Variants in FEM1C observed in about 807,000 individuals in gnomAD.
The protein encoded by FEM1C is protein fem-1 homolog C.
FEM1C carries 15 observed loss-of-function variants against 37.6 expected under a neutral mutation model. That is an observed-to-expected ratio of 0.40 (90% confidence interval 0.27 to 0.61). The LOEUF (loss-of-function observed/expected upper bound fraction) is 0.61, where lower values mean the gene tolerates loss of function less well. Ranked by LOEUF, FEM1C falls within the 20% of genes least tolerant of loss-of-function variation. The pLI is 0.42. For missense variants in FEM1C, 532 were observed against 749.7 expected, an observed-to-expected ratio of 0.71 and a Z score of 3.39; for synonymous variants, 287 against 272.8, an observed-to-expected ratio of 1.05 and a Z score of -0.51.
intron 2 of FEM1C, among the ~76,000 whole-genome samples, chr5:115,539,630 T>A (rs2127174743): frequency 6.6e-6 from 1 of 152,254 alleles, no homozygotes; most frequent in Non-Finnish European, 1.5e-5. Flanking sequence ...CATTTCCAAA[T>A]ATCTAATAGA....
intron 2 of FEM1C, 32 bp from the exon 3 acceptor site, chr5:115,525,649 T>A: frequency 6.4e-7 from 1 of 1,551,888 alleles, no homozygotes; most frequent in South Asian, 1.2e-5. Flanking sequence ...AGAAATAACA[T>A]ACATTGAGGG....
intron 2 of FEM1C, among the ~76,000 whole-genome samples, chr5:115,534,224 T>A (rs767151134): frequency 1.3e-5 from 2 of 151,900 alleles, no homozygotes; most frequent in Non-Finnish European, 2.9e-5. Flanking sequence ...CATTAAAGGG[T>A]GGTAGTATTC....
chr5:115,529,277 A>C (rs1753969344), intron 2 of FEM1C, among the ~76,000 whole-genome samples: 1 of 152,234 alleles, frequency 6.6e-6, no homozygotes, highest in South Asian at 2.1e-4. Flanking sequence ...CTAAGGACAA[A>C]GAGAAAAATC....
chr5:115,526,291 G>A (rs1753890104), intron 2 of FEM1C, among the ~76,000 whole-genome samples: 1 of 152,086 alleles, frequency 6.6e-6, no homozygotes, highest in South Asian at 2.1e-4. Context: ...TGGTAACAAA[G>A]GACTTTCCCC....
chr5:115,533,581 T>A (rs1402252936), intron 2 of FEM1C, among the ~76,000 whole-genome samples: 1 of 151,996 alleles, frequency 6.6e-6, no homozygotes, highest in African/African-American at 2.4e-5. Flanking sequence ...TAACGATATA[T>A]GCCAAGTACT....
At chr5:115,536,493 C>T (rs536857987) in intron 2 of FEM1C, among the ~76,000 whole-genome samples, 1 of 151,506 alleles carries the variant, frequency 6.6e-6, no homozygotes, top group South Asian at 2.1e-4. Context: ...TTCAATTGCA[C>T]AATAATGCTG....
Position 115,533,143 on chromosome 5 carries a change from T to C in FEM1C, c.545-7526A>G, listed in dbSNP as rs145311016. On this transcript the variant is annotated intron_variant, in intron 2 of 2. Coordinates refer to ENST00000274457, the MANE Select transcript of FEM1C (RefSeq NM_020177.3). The stretch of plus-strand genomic sequence containing the variant: ...CTTCAATTCACTACCAATGGGATTA[T>C]AAAAATTGTTTAAAGTTCCACTTTA... 6.8e-3 allele frequency among the ~76,000 whole-genome samples: 1,030 copies of C among 152,180 alleles called. 5 individuals are homozygous for C. The highest frequency in any genetic ancestry group is 0.011 in the Non-Finnish European group (735 of 67,934).
intron 2 of FEM1C, among the ~76,000 whole-genome samples, chr5:115,532,384 A>AT (rs1223143677): frequency 6.6e-6 from 1 of 152,098 alleles, no homozygotes; most frequent in Non-Finnish European, 1.5e-5. Flanking sequence ...TGCAGACAAA[A>AT]TAAGTTCAAA....
intron 2 of FEM1C, among the ~76,000 whole-genome samples, chr5:115,536,220 T>G (rs911422507): frequency 3.3e-5 from 5 of 152,042 alleles, no homozygotes; most frequent in African/African-American, 1.2e-4. Flanking sequence ...TTGTGAATTT[T>G]ATCTCAATAA....
In FEM1C at chr5:115,521,820, T is replaced by C. The variant is rs1473331189; in HGVS notation, c.*2488A>G. ...TACTTTCTGACAAAGGCTTTATCAG[T>C]GTCACATTTATGAAACAATTTTCCC... On this transcript the variant is annotated 3_prime_UTR_variant, in exon 3 of 3. Transcript: ENST00000274457. 1 of 151,864 alleles carries C rather than the reference T, an allele frequency of 6.6e-6. No individual in the cohort carries two copies. The allele number at this position is 151,864 out of a possible 1,614,324, so 9.4% of individuals were successfully genotyped here. A position where few individuals can be genotyped will look rare whatever the true frequency, so the allele number is the denominator to read the frequency against.
chr5:115,532,030 C>T (rs1754026140), intron 2 of FEM1C, among the ~76,000 whole-genome samples: 1 of 152,108 alleles, frequency 6.6e-6, no homozygotes, highest in African/African-American at 2.4e-5. Flanking sequence ...GCACTTCCTT[C>T]TTTACCATTT....
At chr5:115,531,709 G>T (rs1754018339) in intron 2 of FEM1C, among the ~76,000 whole-genome samples, 1 of 152,006 alleles carries the variant, frequency 6.6e-6, no homozygotes, top group Non-Finnish European at 1.5e-5. Flanking sequence ...TTTTACTTTT[G>T]TACTCTAAAA....
chr5:115,525,681 TA>T, intron 2 of FEM1C, 64 bp from the exon 3 acceptor site: 3 of 1,252,272 alleles, frequency 2.4e-6, no homozygotes, highest in Non-Finnish European at 2.2e-6. Flanking sequence ...ATGTAATATA[TA>T]TATGCACTTT....
In FEM1C at chr5:115,525,511, G is replaced by C. The variant is rs1398949672; in HGVS notation, c.651C>G (p.Pro217=). 1.2e-6 allele frequency: 2 copies of C among 1,613,596 alleles called. No individual in the cohort carries two copies. The highest frequency in any genetic ancestry group is 1.7e-6 in the Non-Finnish European group (2 of 1,179,774). ...GACCAGTCACACTTGCTGAGAGAAGGGGAGTCATTCCATAACCATCCTTTT... is the reference window on the plus strand; with the variant it reads ...GACCAGTCACACTTGCTGAGAGAAGCGGAGTCATTCCATAACCATCCTTTT... ...KMEKDGYGMT[P]LLSASVTGHT... The change falls in exon 3 of 3, where the codon CCC becomes CCG. Residue 217 remains proline, a synonymous_variant. Coordinates refer to ENST00000274457, the MANE Select transcript of FEM1C (RefSeq NM_020177.3).
chr5:115,530,036 A>T (rs1385413354), intron 2 of FEM1C, among the ~76,000 whole-genome samples: 2 of 152,076 alleles, frequency 1.3e-5, no homozygotes, highest in African/African-American at 4.8e-5. Flanking sequence ...TTTAATTTAA[A>T]CATTTAAAAG....
intron 2 of FEM1C, among the ~76,000 whole-genome samples, chr5:115,534,869 G>A: frequency 6.6e-6 from 1 of 151,888 alleles, no homozygotes; most frequent in Non-Finnish European, 1.5e-5. Flanking sequence ...GCTGGTCCTT[G>A]AGTAGCAAGA....
chr5:115,542,703 A>G (rs1164111317), intron 2 of FEM1C, among the ~76,000 whole-genome samples: 1 of 152,354 alleles, frequency 6.6e-6, no homozygotes, highest in Non-Finnish European at 1.5e-5. Context: ...CCATTTCCCA[A>G]GAATTTTAAG....
chr5:115,524,326 A>G lies in FEM1C; in HGVS notation c.1836T>C (p.Phe612=), dbSNP rs1448448549. Reference sequence around the variant, plus strand: ...CAAGTTATCATCTATGAAGGGAAACAAAAGTCTCTAGCTTTTCTGGGATAT... The same window carrying G: ...CAAGTTATCATCTATGAAGGGAAACGAAAGTCTCTAGCTTTTCTGGGATAT... ...KGHIPEKLET[F]VSLHR The change falls in exon 3 of 3, where the codon TTT becomes TTC. Residue 612 remains phenylalanine, a synonymous_variant. Transcript: ENST00000274457. 6.2e-7 allele frequency: 1 copy of G among 1,613,218 alleles called. No homozygotes were observed. Among genetic ancestry groups the G allele is most frequent in the Admixed American group, 1.7e-5 (1 of 59,874 alleles).
chr5:115,528,956 T>G (rs935609951), intron 2 of FEM1C, among the ~76,000 whole-genome samples: 1 of 152,054 alleles, frequency 6.6e-6, no homozygotes, highest in Non-Finnish European at 1.5e-5. Flanking sequence ...CACAGCTGAA[T>G]AGAGAATTAG....
Sources: gnomAD v4.1 joint callset for allele counts (sites outside exome capture counted in the v4.1 genomes callset) on GRCh38, gnomAD v4.1.1 for gene constraint, MANE v1.5 for transcripts, NCBI Gene and HGNC (gene_info 2026-07-23, HGNC 2026-07-21) for gene names.